IMMP2L: variants seen among roughly 807,000 people sequenced by gnomAD.
IMMP2L encodes the protein inner mitochondrial membrane peptidase subunit 2.
In IMMP2L, 18 loss-of-function variants were observed where a neutral mutation model predicts 19.3. The ratio of observed to expected loss-of-function variants is 0.93; its 90% CI spans 0.64 to 1.38. The LOEUF is 1.38. Among genes scored for constraint, IMMP2L ranks in the 40% most tolerant of loss-of-function variants. The pLI is 0.00. For synonymous variants in IMMP2L, 76 were observed against 73.0 expected (o/e 1.04, Z -0.21); for missense variants, 233 against 218.2 (o/e 1.07, Z -0.43).
chr7:111,335,327 G>A (rs1333502868), intron 3 of IMMP2L, among the ~76,000 whole-genome samples: 1 of 151,974 alleles, frequency 6.6e-6, no homozygotes, highest in African/African-American at 2.4e-5. Flanking sequence ...TAAGCCTGGA[G>A]AGTCCCAAAA....
rs530536388 is a variant in IMMP2L at position 111,269,124 on chromosome 7, TTGACAGGGCAC to T, written c.239+218103_239+218113del. ...TCTGAGATCCATACCTAGTCATGAG[TTGACAGGGCAC>T]TGGCAGGGCAGAGTTTGTGGCGATA... On this transcript the variant is annotated intron_variant, in intron 3 of 5. Transcript: ENST00000405709. Among the ~76,000 whole-genome samples the T allele has an allele frequency of 4.8e-4, 73 of 152,260 alleles. No homozygotes were observed. In the Middle Eastern group the frequency reaches 0.024, roughly 50 times the overall value.
At chr7:111,214,328 C>CTTTTTTTTTTTTTTTTTTT (rs1484229556) in intron 3 of IMMP2L, among the ~76,000 whole-genome samples, 1 of 85,122 alleles carries the variant, frequency 1.2e-5, no homozygotes, top group Non-Finnish European at 2.3e-5. Context: ...AGTAATTTTT[C>CTTTTTTTTTTTTTTTTTTT]TTCTTTTTTT....
intron 3 of IMMP2L, among the ~76,000 whole-genome samples, chr7:111,383,513 C>T (rs758997926): frequency 7.2e-5 from 11 of 152,120 alleles, no homozygotes; most frequent in Non-Finnish European, 1.3e-4. Flanking sequence ...AACCGAGCTA[C>T]GCCTACAAAA....
chr7:110,679,962 G>C lies in IMMP2L; in HGVS notation c.409-16241C>G, dbSNP rs1233798309. On this transcript the variant is annotated intron_variant, in intron 5 of 5. Transcript: ENST00000405709. ...TTAAAGAGAGACTAACATTTTCTCT[G>C]ATTTAATTTTTGCAATACAATTCTA... Among the ~76,000 whole-genome samples the C allele has an allele frequency of 2.0e-5, 3 of 152,264 alleles. No homozygotes were observed. The East Asian group carries it at 5.8e-4, about 29-fold the overall frequency.
intron 3 of IMMP2L, among the ~76,000 whole-genome samples, chr7:111,437,773 T>C (rs1239241521): frequency 6.6e-6 from 1 of 151,898 alleles, no homozygotes; most frequent in Non-Finnish European, 1.5e-5. Flanking sequence ...TAAGAAATTT[T>C]TTTATCTTGT....
At position 111,159,535 on chromosome 7, in the gene IMMP2L, C is replaced by A. The variant is rs561135601; in HGVS notation, c.240-195970G>T. On this transcript the variant is annotated intron_variant, in intron 3 of 5. Coordinates refer to ENST00000405709, the MANE Select transcript of IMMP2L (RefSeq NM_032549.4). ...TTCTCCAAATTAAGAAAACACTCAG[C>A]CAGCAAAAATAAATTCACTAAACAA... is the stretch of plus-strand genomic sequence containing the variant. Among the ~76,000 whole-genome samples, 10 of 152,008 alleles carry A rather than the reference C, an allele frequency of 6.6e-5. No individual in the cohort carries two copies. In the South Asian group the frequency reaches 2.1e-3, roughly 32 times the overall value.
chr7:111,081,915 A>G, intron 3 of IMMP2L, among the ~76,000 whole-genome samples: 1 of 152,238 alleles, frequency 6.6e-6, no homozygotes, highest in East Asian at 1.9e-4. Context: ...TGAGGAAGAA[A>G]GAATGATTGC....
chr7:110,671,644 T>C (rs528797013), intron 5 of IMMP2L, among the ~76,000 whole-genome samples: 2 of 152,182 alleles, frequency 1.3e-5, no homozygotes, highest in Non-Finnish European at 2.9e-5. Context: ...TTCCTTCAGA[T>C]GCCAGGGGGA....
chr7:111,473,865 C>T (rs1480875184), intron 3 of IMMP2L, among the ~76,000 whole-genome samples: 1 of 152,122 alleles, frequency 6.6e-6, no homozygotes, highest in Non-Finnish European at 1.5e-5. Context: ...AAGATGCACA[C>T]ACTCATATGT....
chr7:111,131,834 A>G (rs1222153233), intron 3 of IMMP2L, among the ~76,000 whole-genome samples: 1 of 151,980 alleles, frequency 6.6e-6, no homozygotes, highest in African/African-American at 2.4e-5. Context: ...TATAGTTAAT[A>G]TGAATGCATA....
At chr7:110,997,821 T>C (rs10274345) in intron 3 of IMMP2L, among the ~76,000 whole-genome samples, 44 of 152,096 alleles carry the variant, frequency 2.9e-4, no homozygotes, top group African/African-American at 1.0e-3. Context: ...GTCTTATTAG[T>C]GATTATAAAT....
At chr7:111,113,103 A>G (rs1194610659) in intron 3 of IMMP2L, among the ~76,000 whole-genome samples, 1 of 152,166 alleles carries the variant, frequency 6.6e-6, no homozygotes, top group Non-Finnish European at 1.5e-5. Flanking sequence ...CCTTCAGAGT[A>G]ATGTTCCCCT....
chr7:111,211,123 T>C (rs530705341), intron 3 of IMMP2L, among the ~76,000 whole-genome samples: 56 of 152,192 alleles, frequency 3.7e-4, no homozygotes, highest in Non-Finnish European at 7.1e-4. Context: ...ACAAGAAAAC[T>C]ATAAATACTT....
intron 4 of IMMP2L, among the ~76,000 whole-genome samples, chr7:110,933,449 G>A (rs1022631677): frequency 2.6e-5 from 4 of 152,104 alleles, no homozygotes; most frequent in Non-Finnish European, 5.9e-5. Context: ...ACTTCACTCT[G>A]AATATCCTAC....
At chr7:110,984,728 C>A (rs1821677228) in intron 3 of IMMP2L, among the ~76,000 whole-genome samples, 1 of 151,950 alleles carries the variant, frequency 6.6e-6, no homozygotes, top group Admixed American at 6.6e-5. Context: ...TTAGTAAAAA[C>A]ACTTAGGAAA....
chr7:111,055,076 G>C (rs999635801), intron 3 of IMMP2L, among the ~76,000 whole-genome samples: 8 of 150,698 alleles, frequency 5.3e-5, no homozygotes, highest in African/African-American at 1.7e-4. Context: ...CCAGAAACAG[G>C]GTGCCACTCT....
At chr7:111,228,845 T>C (rs1363891054) in intron 3 of IMMP2L, among the ~76,000 whole-genome samples, 2 of 151,424 alleles carry the variant, frequency 1.3e-5, no homozygotes, top group Non-Finnish European at 2.9e-5. Context: ...TACAATGTTA[T>C]AAAAAAAAAT....
At chr7:110,930,868 G>A (rs1431722936) in intron 4 of IMMP2L, among the ~76,000 whole-genome samples, 2 of 152,168 alleles carry the variant, frequency 1.3e-5, no homozygotes, top group Non-Finnish European at 2.9e-5. Flanking sequence ...AAAAGCAACA[G>A]CTATGTTTAT....
At chr7:111,496,552 T>C (rs1202783219) in intron 2 of IMMP2L, among the ~76,000 whole-genome samples, 2 of 152,170 alleles carry the variant, frequency 1.3e-5, no homozygotes, top group Admixed American at 1.3e-4. Context: ...AGTTGAGGGC[T>C]TGGATACAAG....
Sources: gnomAD v4.1 joint callset for allele counts (sites outside exome capture counted in the v4.1 genomes callset) on GRCh38, gnomAD v4.1.1 for gene constraint, MANE v1.5 for transcripts, NCBI Gene and HGNC (gene_info 2026-07-23, HGNC 2026-07-21) for gene names.